MAGI2: variants seen among roughly 807,000 people sequenced by gnomAD.
The protein encoded by MAGI2 is membrane-associated guanylate kinase, WW and PDZ domain-containing protein 2.
MAGI2 carries 35 observed loss-of-function variants against 133.3 expected under a neutral mutation model. The observed-to-expected ratio is 0.26, with a 90% CI of 0.20 to 0.35. The LOEUF is 0.35. MAGI2 is among the 10% of genes least tolerant of loss of function. MAGI2 has a pLI of 1.00. For missense variants in MAGI2, 1,636 were observed against 1,863.4 expected, an observed-to-expected ratio of 0.88 and a Z score of 2.25; for synonymous variants, 729 against 710.6, an observed-to-expected ratio of 1.03 and a Z score of -0.41.
chr7:78,481,080 T>G (rs1792319691), intron 6 of MAGI2, among the ~76,000 whole-genome samples: 1 of 151,962 alleles, frequency 6.6e-6, no homozygotes, highest in South Asian at 2.1e-4. Context: ...AAAATTTATA[T>G]AAAATGGCAA....
intron 2 of MAGI2, among the ~76,000 whole-genome samples, chr7:78,813,542 T>C (rs1422232814): frequency 6.6e-6 from 1 of 151,802 alleles, no homozygotes; most frequent in Non-Finnish European, 1.5e-5. Flanking sequence ...TCCCAACACT[T>C]TGGGAGGCCG....
At chr7:78,861,862 T>C (rs1794179635) in intron 2 of MAGI2, among the ~76,000 whole-genome samples, 1 of 152,234 alleles carries the variant, frequency 6.6e-6, no homozygotes, top group South Asian at 2.1e-4. Context: ...GAGAATCAAC[T>C]TTCTATTTTA....
At chr7:78,128,841 C>T (rs1052617168) in intron 18 of MAGI2, among the ~76,000 whole-genome samples, 1 of 152,106 alleles carries the variant, frequency 6.6e-6, no homozygotes, top group Non-Finnish European at 1.5e-5. Context: ...ATAATTTCGG[C>T]CTTGCTTTAT....
intron 2 of MAGI2, among the ~76,000 whole-genome samples, chr7:78,736,546 A>C (rs1229825798): frequency 6.6e-6 from 1 of 152,222 alleles, no homozygotes; most frequent in Admixed American, 6.5e-5. Context: ...TGTTCTTAAC[A>C]TGTAGTGTGT....
intron 1 of MAGI2, among the ~76,000 whole-genome samples, chr7:79,184,066 C>T (rs1826852705): frequency 6.6e-6 from 1 of 151,602 alleles, no homozygotes; most frequent in African/African-American, 2.4e-5. Context: ...ATTTCAAGAT[C>T]TATTGCACAG....
intron 5 of MAGI2, among the ~76,000 whole-genome samples, chr7:78,497,734 A>ATCTGTCTGTCTG (rs769054184): frequency 1.1e-5 from 1 of 87,136 alleles, no homozygotes; most frequent in African/African-American, 3.6e-5. Context: ...CTATCTATCT[A>ATCTGTCTGTCTG]TCTATCTATC....
intron 3 of MAGI2, among the ~76,000 whole-genome samples, chr7:78,565,587 A>G (rs183723872): frequency 1.3e-5 from 2 of 152,332 alleles, no homozygotes; most frequent in Non-Finnish European, 2.9e-5. Flanking sequence ...TTTTAAAAAA[A>G]TCACACCATT....
chr7:78,571,950 T>A (rs1801541471), intron 3 of MAGI2, among the ~76,000 whole-genome samples: 1 of 152,202 alleles, frequency 6.6e-6, no homozygotes, highest in Non-Finnish European at 1.5e-5. Context: ...ATTTCTGATA[T>A]GGCAAAGTCC....
In MAGI2 at chr7:78,019,770, G is replaced by T; in HGVS notation, c.3913C>A (p.Gln1305Lys). 6.2e-7 allele frequency: 1 copy of T among 1,612,672 alleles called. No homozygotes were observed. The change falls in exon 22 of 22, where the codon CAG (glutamine) becomes AAG (lysine). Residue 1305 changes from glutamine to lysine, a missense_variant. Gln to Lys is a moderately conservative substitution (Grantham distance 53). Transcript: ENST00000354212. ...RKPKELSACG[Q>K]KKQRLGEQRE... ...TGCTCCCCGAGGCGCTGCTTCTTCT[G>T]GCCGCAGGCTGAAAGCTCCTTTGGT...
chr7:78,495,471 A>C (rs1242266214), intron 5 of MAGI2, among the ~76,000 whole-genome samples: 2 of 152,214 alleles, frequency 1.3e-5, no homozygotes, highest in East Asian at 3.8e-4. Flanking sequence ...GATGATTGTA[A>C]CATTTTCCAA....
At chr7:78,120,227 C>T (rs1192904413) in intron 20 of MAGI2, among the ~76,000 whole-genome samples, 2 of 151,994 alleles carry the variant, frequency 1.3e-5, no homozygotes, top group South Asian at 2.1e-4. Flanking sequence ...ACGGTGAAAC[C>T]CCGTCTCTAC....
rs147300397 is a variant in MAGI2 at position 79,011,924 on chromosome 7, C to CCTTTCTTT, written c.302-4726_302-4719dup. Reference sequence around the variant, plus strand: ...TCCTTCCTTCCTTCCTTCCTTCCTTCCTTTCTTTCTTTCTTTCTTTCTTTC... The same window carrying CCTTTCTTT: ...TCCTTCCTTCCTTCCTTCCTTCCTTCCTTTCTTTCTTTCTTTCTTTCTTTCTTTCTTTC... On this transcript the variant is annotated intron_variant, in intron 1 of 21. Coordinates refer to ENST00000354212, the MANE Select transcript of MAGI2 (RefSeq NM_012301.4). Among the ~76,000 whole-genome samples the CCTTTCTTT allele has an allele frequency of 4.9e-3, 600 of 121,262 alleles. 4 individuals are homozygous for CCTTTCTTT. The highest frequency in any genetic ancestry group is 0.019 in the African/African-American group (564 of 30,160). 79.6% of individuals were successfully genotyped at this position (121,262 alleles called of 152,430 possible). A position where few individuals can be genotyped will look rare whatever the true frequency, so the allele number is the denominator to read the frequency against.
chr7:78,501,932 C>T, intron 4 of MAGI2, 145 bp from the exon 5 acceptor site: 1 of 621,346 alleles, frequency 1.6e-6, no homozygotes, highest in Non-Finnish European at 2.8e-6. Context: ...GCATAATGAT[C>T]ACTAGGCCTA....
chr7:78,339,526 A>C (rs1790132576), intron 9 of MAGI2, among the ~76,000 whole-genome samples: 1 of 152,256 alleles, frequency 6.6e-6, no homozygotes, highest in Non-Finnish European at 1.5e-5. Flanking sequence ...AGTGGAAAGA[A>C]AAATAACTAC....
chr7:79,236,975 C>T lies in MAGI2; in HGVS notation c.301+216045G>A, dbSNP rs1014111614. 3.3e-5 allele frequency among the ~76,000 whole-genome samples: 5 copies of T among 152,166 alleles called. No individual in the cohort carries two copies. The South Asian group carries it at 1.0e-3, about 32-fold the overall frequency. On this transcript the variant is annotated intron_variant, in intron 1 of 21. Coordinates refer to ENST00000354212, the MANE Select transcript of MAGI2 (RefSeq NM_012301.4). ...TGGGAGGATTGCTTGAGCTCAGGAG[C>T]TTGAGGCTGCAATGAGCAACGAGTG...
chr7:78,942,509 C>G (rs575444560), intron 2 of MAGI2, among the ~76,000 whole-genome samples: 1 of 152,146 alleles, frequency 6.6e-6, no homozygotes, highest in South Asian at 2.1e-4. Flanking sequence ...TACAGCTGCT[C>G]CCTTCAAACT....
At chr7:78,490,054 T>C (rs1033406825) in intron 5 of MAGI2, 7 of 476,020 alleles carry the variant, frequency 1.5e-5, no homozygotes, top group Admixed American at 1.4e-4. Context: ...AAAGCAGCTA[T>C]TTTTATTAAA....
intron 1 of MAGI2, among the ~76,000 whole-genome samples, chr7:79,383,137 T>C (rs1344650872): frequency 6.6e-6 from 1 of 151,632 alleles, no homozygotes; most frequent in Non-Finnish European, 1.5e-5. Context: ...CTAGGACCAT[T>C]GGTGGCTTTT....
chr7:79,154,278 C>T (rs940353521), intron 1 of MAGI2, among the ~76,000 whole-genome samples: 1 of 152,262 alleles, frequency 6.6e-6, no homozygotes, highest in East Asian at 1.9e-4. Context: ...GAAGTCTTGC[C>T]TTCAGCATTT....
Sources: gnomAD v4.1 joint callset for allele counts (sites outside exome capture counted in the v4.1 genomes callset) on GRCh38, gnomAD v4.1.1 for gene constraint, MANE v1.5 for transcripts, NCBI Gene and HGNC (gene_info 2026-07-23, HGNC 2026-07-21) for gene names.